The following FKBP5 variants were observed in gnomAD, a reference collection of about 807,000 sequenced individuals.
The protein encoded by FKBP5 is FKBP prolyl isomerase 5.
Under a neutral mutation model 50.5 loss-of-function variants are expected in FKBP5, and 23 were observed. That is an observed-to-expected ratio of 0.46 (90% CI 0.33 to 0.65). The LOEUF is 0.65. Among genes scored for constraint, FKBP5 ranks in the 30% least tolerant of loss-of-function variants. FKBP5 has a pLI of 0.02. For missense variants in FKBP5, 411 were observed against 553.1 expected, an observed-to-expected ratio of 0.74 and a Z score of 2.58; for synonymous variants, 176 against 190.6, an observed-to-expected ratio of 0.92 and a Z score of 0.63.
chr6:35,688,705 A>C (rs1765911582), intron 1 of FKBP5, 99 bp downstream of exon 1: 1 of 150,556 alleles, frequency 6.6e-6, no homozygotes, highest in African/African-American at 2.4e-5. Context: ...GTGGGAGCTG[A>C]GGCAGCGAGT....
chr6:35,606,111 C>T (rs78144760), intron 5 of FKBP5, among the ~76,000 whole-genome samples: 10,937 of 152,176 alleles, frequency 0.072, 776 homozygotes, highest in African/African-American at 0.19. Context: ...AAGCTATCAA[C>T]GAAGCAGATG....
At chr6:35,672,528 T>C (rs901243269) in intron 1 of FKBP5, among the ~76,000 whole-genome samples, 2 of 151,998 alleles carry the variant, frequency 1.3e-5, no homozygotes, top group African/African-American at 4.8e-5. Context: ...GACATCTTTA[T>C]GCATCCCAGG....
In FKBP5 at chr6:35,582,512, T is replaced by C. The variant is rs548929178; in HGVS notation, c.841-2291A>G. Reference sequence around the variant, plus strand: ...CACTCACATGCATGTGGAAAGGCCATGTGAGAACACAGCAAGAAGGGAGCT... The same window carrying C: ...CACTCACATGCATGTGGAAAGGCCACGTGAGAACACAGCAAGAAGGGAGCT... On this transcript the variant is annotated intron_variant, in intron 8 of 10. Transcript: ENST00000357266. 16 of 419,270 alleles carry C rather than the reference T, an allele frequency of 3.8e-5. No homozygotes were observed. The East Asian group carries it at 1.8e-3, about 46-fold the overall frequency. 26.0% of individuals were successfully genotyped at this position (419,270 alleles called of 1,614,324 possible).
rs548326780 is a variant in FKBP5 at position 35,715,046 on chromosome 6, C to G, written c.-20+5282G>C. Among the ~76,000 whole-genome samples, 18 of 152,136 alleles carry G rather than the reference C, an allele frequency of 1.2e-4. No individual in the cohort carries two copies. The South Asian group carries it at 3.1e-3, about 26-fold the overall frequency. On this transcript the variant is annotated intron_variant, in intron 2 of 11. Transcript: ENST00000536438. The stretch of plus-strand genomic sequence containing the variant: ...CTTTAGCCTCCCAAGTCTATAGGTG[C>G]ATGCCACCACGCCTGCGTAATTTTT...
upstream of FKBP5, among the ~76,000 whole-genome samples, chr6:35,693,076 TAAAA>T (rs35498093): frequency 1.2e-5 from 1 of 80,784 alleles, no homozygotes. Context: ...TCTTTTCAGC[TAAAA>T]AAAAAAAAAA....
At chr6:35,637,600 A>G (rs1383526998) in intron 2 of FKBP5, among the ~76,000 whole-genome samples, 1 of 151,276 alleles carries the variant, frequency 6.6e-6, no homozygotes, top group Non-Finnish European at 1.5e-5. Flanking sequence ...AGTAGCTGGG[A>G]TTACAGGCGT....
intron 1 of FKBP5, among the ~76,000 whole-genome samples, chr6:35,686,024 T>C (rs957315872): frequency 6.8e-6 from 1 of 146,126 alleles, no homozygotes; most frequent in African/African-American, 2.5e-5. Context: ...ATGTCTATAA[T>C]AGTGGCATTT....
chr6:35,592,458 T>A (rs1222702742), intron 6 of FKBP5, among the ~76,000 whole-genome samples: 2 of 152,156 alleles, frequency 1.3e-5, no homozygotes, highest in Non-Finnish European at 2.9e-5. Flanking sequence ...AAGGGTATCT[T>A]CCACAAAGAC....
At chr6:35,615,645 TAG>T (rs1254103396) in intron 5 of FKBP5, among the ~76,000 whole-genome samples, 1 of 152,186 alleles carries the variant, frequency 6.6e-6, no homozygotes, top group Non-Finnish European at 1.5e-5. Flanking sequence ...CAAATTAATG[TAG>T]AGAGAATAAC....
intron 1 of FKBP5, among the ~76,000 whole-genome samples, chr6:35,643,923 TA>T (rs1764562070): frequency 6.6e-6 from 1 of 152,166 alleles, no homozygotes; most frequent in African/African-American, 2.4e-5. Flanking sequence ...TTGAGAATGG[TA>T]AGACAAAAAG....
At chr6:35,722,055 A>G (rs13198515) in intron 1 of FKBP5, among the ~76,000 whole-genome samples, 36,421 of 151,860 alleles carry the variant, frequency 0.24, 4,739 homozygotes, top group Middle Eastern at 0.39. Context: ...CTCAAATATA[A>G]CCTTCCTCAT....
intron 5 of FKBP5, among the ~76,000 whole-genome samples, chr6:35,613,932 G>A (rs1481683609): frequency 1.3e-5 from 2 of 151,944 alleles, no homozygotes; most frequent in Non-Finnish European, 2.9e-5. Flanking sequence ...GCCTTGTTCT[G>A]TTGCCCAGGC....
intron 5 of FKBP5, among the ~76,000 whole-genome samples, chr6:35,603,996 G>A (rs146115390): frequency 2.6e-5 from 4 of 150,980 alleles, no homozygotes; most frequent in Non-Finnish European, 5.9e-5. Context: ...GTGAGCCACC[G>A]TGCCCGGCCT....
At chr6:35,617,232 C>G (rs139750925) in intron 5 of FKBP5, among the ~76,000 whole-genome samples, 219 of 152,136 alleles carry the variant, frequency 1.4e-3, no homozygotes, top group African/African-American at 4.8e-3. Flanking sequence ...TTGCCAGACT[C>G]GTAGAAATGA....
At chr6:35,589,206 G>A (rs1018912967) in intron 7 of FKBP5, among the ~76,000 whole-genome samples, 63 of 148,946 alleles carry the variant, frequency 4.2e-4, no homozygotes, top group African/African-American at 1.5e-3. Flanking sequence ...TCGGCTCACG[G>A]CAACCTCCAC....
At chr6:35,635,344 C>T (rs769808454) in intron 3 of FKBP5, among the ~76,000 whole-genome samples, 1 of 151,966 alleles carries the variant, frequency 6.6e-6, no homozygotes, top group Non-Finnish European at 1.5e-5. Context: ...TGGTGGCATG[C>T]ACCTGTATTC....
At chr6:35,662,352 A>G (rs1453676878) in intron 1 of FKBP5, among the ~76,000 whole-genome samples, 5 of 150,812 alleles carry the variant, frequency 3.3e-5, no homozygotes, top group Admixed American at 1.3e-4. Context: ...ATGGCTCACT[A>G]CAGCCTCAAC....
intron 6 of FKBP5, among the ~76,000 whole-genome samples, chr6:35,595,238 T>TTTTTC (rs1762952976): frequency 6.6e-6 from 1 of 152,250 alleles, no homozygotes. Flanking sequence ...ACAATTTCTA[T>TTTTTC]TTTTCTTTGT....
intron 5 of FKBP5, among the ~76,000 whole-genome samples, chr6:35,614,970 A>T (rs1158823070): frequency 1.3e-5 from 2 of 152,042 alleles, no homozygotes; most frequent in Non-Finnish European, 2.9e-5. Context: ...TGAAAATACA[A>T]AAAATAGCTG....
Sources: allele counts gnomAD v4.1 joint callset (sites outside exome capture counted in the v4.1 genomes callset), GRCh38; gene constraint gnomAD v4.1.1; transcripts MANE v1.5; gene names NCBI Gene and HGNC (gene_info 2026-07-23, HGNC 2026-07-21).